Variants in ABCC1 observed in about 807,000 individuals in gnomAD.
The protein encoded by ABCC1 is ATP binding cassette subfamily C member 1 (ABCC1 blood group).
In ABCC1, 83 loss-of-function variants were observed where a neutral mutation model predicts 172.9. That is an observed-to-expected ratio of 0.48 (90% CI 0.40 to 0.58). ABCC1 has a LOEUF of 0.58. ABCC1 is among the 20% of genes least tolerant of loss of function. ABCC1 has a pLI of 0.00. For missense variants in ABCC1, 1,817 were observed against 2,002.7 expected, an observed-to-expected ratio of 0.91 and a Z score of 1.77; for synonymous variants, 937 against 825.2, an observed-to-expected ratio of 1.14 and a Z score of -2.32.
intron 22 of ABCC1, 147 bp from the exon 23 acceptor site, chr16:16,114,619 G>A (rs1013457657): frequency 4.0e-5 from 32 of 794,082 alleles, no homozygotes; most frequent in Non-Finnish European, 5.7e-5. Context: ...GGGATTACAG[G>A]TGTGAGCCAC....
chr16:16,061,772 C>CTTTTTTTTTT (rs201926082), intron 12 of ABCC1, among the ~76,000 whole-genome samples: 21 of 116,226 alleles, frequency 1.8e-4, no homozygotes, highest in Non-Finnish European at 2.2e-4. Flanking sequence ...TTCTTTTTTT[C>CTTTTTTTTTT]TTTTTTTTTT....
In ABCC1 at chr16:16,048,813, G is replaced by A. The variant is rs1209051091; in HGVS notation, c.1380+510G>A. Among the ~76,000 whole-genome samples, 3 of 152,108 alleles carry A rather than the reference G, an allele frequency of 2.0e-5. 1 individual carries two copies. The highest frequency in any genetic ancestry group is 3.9e-4 in the East Asian group (2 of 5,188). On this transcript the variant is annotated intron_variant, in intron 10 of 30. Transcript: ENST00000399410. ...ACCAGCCTCAACGTGGAGAAACCCC[G>A]TCTCTACTAAAAATACAAAATGAGC... is the stretch of plus-strand genomic sequence containing the variant.
chr16:15,967,762 A>G (rs1353147857), intron 1 of ABCC1, among the ~76,000 whole-genome samples: 1 of 143,052 alleles, frequency 7.0e-6, no homozygotes, highest in African/African-American at 2.5e-5. Flanking sequence ...TGTCTCCAAA[A>G]AAAAAAAAAA....
rs2152058251 is a variant in ABCC1, at chr16:16,102,650, G to C, written c.2668G>C (p.Gly890Arg). The change falls in exon 20 of 31, where the codon GGG becomes CGG. Residue 890 changes from glycine to arginine, a missense_variant. This residue lies in a region of ABCC1 where 1,412 missense variants were observed against 1,600.3 expected (regional missense o/e 0.88). Transcript: ENST00000399410. ...AGGGGTCACGGGCGTCAGCGGTCCA[G>C]GGAAGGAAGCAAAGCAAATGGAGAA... is the stretch of plus-strand genomic sequence containing the variant. ...ENGVTGVSGP[G>R]KEAKQMENGM... The C allele has an allele frequency of 6.3e-7, 1 of 1,589,240 alleles. No homozygotes were observed. Among genetic ancestry groups the C allele is most frequent in the African/African-American group, 1.3e-5 (1 of 74,656 alleles).
At chr16:15,966,327 G>A (rs917851219) in intron 1 of ABCC1, among the ~76,000 whole-genome samples, 1 of 151,450 alleles carries the variant, frequency 6.6e-6, no homozygotes, top group African/African-American at 2.4e-5. Context: ...CGGGAGAATT[G>A]CTTGAACCCA....
chr16:15,950,663 G>A (rs1208779745), intron 1 of ABCC1, among the ~76,000 whole-genome samples: 1 of 152,176 alleles, frequency 6.6e-6, no homozygotes, highest in Non-Finnish European at 1.5e-5. Context: ...TCCGTAATGC[G>A]ATTTGCCTCT....
At chr16:16,067,662 C>T (rs1446502668) in intron 12 of ABCC1, among the ~76,000 whole-genome samples, 1 of 152,122 alleles carries the variant, frequency 6.6e-6, no homozygotes, top group Non-Finnish European at 1.5e-5. Flanking sequence ...GTATGACCTT[C>T]CAGGAAGTAA....
At chr16:15,992,642 C>T in intron 1 of ABCC1, among the ~76,000 whole-genome samples, 1 of 152,188 alleles carries the variant, frequency 6.6e-6, no homozygotes, top group African/African-American at 2.4e-5. Context: ...CTTGGGTGAT[C>T]CTCCCGCCTC....
intron 1 of ABCC1, among the ~76,000 whole-genome samples, chr16:15,991,546 C>A (rs1445959745): frequency 6.6e-6 from 1 of 152,074 alleles, no homozygotes; most frequent in Non-Finnish European, 1.5e-5. Context: ...AGCAGGACCC[C>A]CACTGCGGGC....
chr16:15,970,318 A>G (rs1056680120), intron 1 of ABCC1, among the ~76,000 whole-genome samples: 8 of 152,188 alleles, frequency 5.3e-5, no homozygotes, highest in Non-Finnish European at 1.0e-4. Context: ...GTAAGGGCAC[A>G]ACCTGGAGGT....
intron 1 of ABCC1, among the ~76,000 whole-genome samples, chr16:15,976,224 A>C (rs2046488431): frequency 1.3e-5 from 2 of 152,186 alleles, no homozygotes; most frequent in Admixed American, 1.3e-4. Context: ...CCGAGATTGC[A>C]CTACTGCACT....
At chr16:15,976,995 A>G (rs1364107154) in intron 1 of ABCC1, among the ~76,000 whole-genome samples, 2 of 152,108 alleles carry the variant, frequency 1.3e-5, no homozygotes, top group African/African-American at 4.8e-5. Flanking sequence ...CCCCTGGGCC[A>G]TCTGTGTTGT....
rs377345145 is a variant in ABCC1 at position 16,045,908 on chromosome 16, T to C, written c.1113T>C (p.Phe371=). The C allele has an allele frequency of 4.2e-5, 67 of 1,614,066 alleles. No individual in the cohort carries two copies. In the African/African-American group the frequency reaches 8.1e-4, roughly 20 times the overall value. ...WQGYFYTVLL[F]VTACLQTLVL... Reference sequence around the variant, plus strand: ...GCTACTTCTACACCGTGCTGCTGTTTGTCACTGCCTGCCTGCAGACCCTCG... The same window carrying C: ...GCTACTTCTACACCGTGCTGCTGTTCGTCACTGCCTGCCTGCAGACCCTCG... Residue 371 remains phenylalanine, a synonymous_variant, in exon 9 of 31, where the codon TTT becomes TTC. Coordinates refer to ENST00000399410, the MANE Select transcript of ABCC1 (RefSeq NM_004996.4).
At chr16:16,015,336 C>T (rs556039936) in intron 4 of ABCC1, among the ~76,000 whole-genome samples, 41 of 152,226 alleles carry the variant, frequency 2.7e-4, no homozygotes, top group Admixed American at 5.2e-4. Context: ...GACGGGGTTT[C>T]ACCACGTTGG....
chr16:16,120,735 G>A (rs1180880791), intron 23 of ABCC1, among the ~76,000 whole-genome samples: 1 of 152,092 alleles, frequency 6.6e-6, no homozygotes, highest in Non-Finnish European at 1.5e-5. Flanking sequence ...AGGAAGGGGA[G>A]AGTTACAGGA....
chr16:16,054,389 C>T (rs1356036011), intron 11 of ABCC1, among the ~76,000 whole-genome samples: 1 of 152,168 alleles, frequency 6.6e-6, no homozygotes, highest in Non-Finnish European at 1.5e-5. Context: ...CCTCTCTGTG[C>T]TGTGCCGTAT....
At chr16:15,958,108 T>C (rs2046041640) in intron 1 of ABCC1, among the ~76,000 whole-genome samples, 1 of 152,098 alleles carries the variant, frequency 6.6e-6, no homozygotes, top group East Asian at 1.9e-4. Flanking sequence ...TTTGTTTTAT[T>C]TTATATTATT....
chr16:16,093,587 TG>T (rs1232885494), intron 19 of ABCC1, among the ~76,000 whole-genome samples: 1 of 152,164 alleles, frequency 6.6e-6, no homozygotes, highest in East Asian at 1.9e-4. Flanking sequence ...TCCTTGGCAG[TG>T]GGTCTTACAT....
chr16:16,122,263 T>C (rs928570260), intron 24 of ABCC1, 89 bp downstream of exon 24: 10 of 1,460,574 alleles, frequency 6.8e-6, no homozygotes, highest in Non-Finnish European at 9.4e-6. Flanking sequence ...CACCTTGAGC[T>C]GGGTATAAAG....
Sources: allele counts gnomAD v4.1 joint callset (sites outside exome capture counted in the v4.1 genomes callset), GRCh38; gene constraint gnomAD v4.1.1; regional missense constraint gnomAD v4.1.1; transcripts MANE v1.5; gene names NCBI Gene and HGNC (gene_info 2026-07-23, HGNC 2026-07-21).